ZNF766: variants seen among roughly 807,000 people sequenced by gnomAD.
ZNF766 encodes zinc finger protein 766.
In ZNF766, 13 loss-of-function variants were observed where a neutral mutation model predicts 13.2. The observed-to-expected ratio is 0.98, with a 90% CI of 0.64 to 1.56. ZNF766 has a LOEUF of 1.56. Ranked by LOEUF, ZNF766 falls within the 40% of genes most tolerant of loss-of-function variation. The pLI, the probability that ZNF766 is intolerant of heterozygous loss-of-function variation, is 0.00. For synonymous variants in ZNF766, 178 were observed against 187.6 expected (o/e 0.95, Z 0.42); for missense variants, 521 against 552.2 (o/e 0.94, Z 0.57).
chr19:52,283,064 G>C (rs550076790), intron 2 of ZNF766, among the ~76,000 whole-genome samples: 79 of 152,276 alleles, frequency 5.2e-4, no homozygotes, highest in Middle Eastern at 6.8e-3. Context: ...TCGCCGCACT[G>C]TCTTCCACAT....
At chr19:52,277,688 T>A in intron 1 of ZNF766, 1 of 921,706 alleles carries the variant, frequency 1.1e-6, no homozygotes, top group Non-Finnish European at 1.7e-6. Flanking sequence ...GTCCCTCTCA[T>A]CTCGCTTAGA....
chr19:52,291,143 G>C lies in ZNF766; in HGVS notation c.1352G>C (p.Ser451Thr). 1 of 1,611,474 alleles carries C rather than the reference G, an allele frequency of 6.2e-7. No individual in the cohort carries two copies. Among genetic ancestry groups the C allele is most frequent in the Non-Finnish European group, 8.5e-7 (1 of 1,178,508 alleles). ...CHVCGKVFRH[S>T]SWFVQHQRSV... Reference sequence around the variant, plus strand: ...GTGTGTGGTAAGGTCTTTAGGCACAGTTCATGGTTTGTACAGCATCAGAGA... The same window carrying C: ...GTGTGTGGTAAGGTCTTTAGGCACACTTCATGGTTTGTACAGCATCAGAGA... Residue 451 changes from serine to threonine, a missense_variant, in exon 4 of 4, where the codon AGT (serine) becomes ACT (threonine). Ser to Thr is a moderately conservative substitution (Grantham distance 58). Coordinates refer to ENST00000439461, the MANE Select transcript of ZNF766 (RefSeq NM_001010851.3).
intron 1 of ZNF766, among the ~76,000 whole-genome samples, chr19:52,273,815 T>C (rs574208838): frequency 6.6e-6 from 1 of 152,258 alleles, no homozygotes; most frequent in South Asian, 2.1e-4. Context: ...AAGGTGGGGG[T>C]GTGCTGGGCT....
rs1245386526 is a variant in ZNF766, at chr19:52,293,085, G to T, written c.*1887G>T. ...GGGGTGTTTGGTCTTCTGTCACTGTGATAGTTTGCTGAGAATGATGGTTTC... is the reference window on the plus strand; with the variant it reads ...GGGGTGTTTGGTCTTCTGTCACTGTTATAGTTTGCTGAGAATGATGGTTTC... On this transcript the variant is annotated 3_prime_UTR_variant, in exon 4 of 4. Transcript: ENST00000439461. 6.6e-6 allele frequency: 1 copy of T among 151,672 alleles called. No individual in the cohort carries two copies. Among genetic ancestry groups the T allele is most frequent in the Admixed American group, 6.6e-5 (1 of 15,192 alleles). The allele number at this position is 151,672 out of a possible 1,614,324, so 9.4% of individuals were successfully genotyped here.
intron 1 of ZNF766, among the ~76,000 whole-genome samples, chr19:52,278,531 G>A (rs1981328534): frequency 6.6e-6 from 1 of 152,054 alleles, no homozygotes; most frequent in African/African-American, 2.4e-5. Context: ...AGCCTCCCGA[G>A]TAGCTGGGAC....
At chr19:52,273,433 C>T (rs772264660) in intron 1 of ZNF766, among the ~76,000 whole-genome samples, 14 of 152,166 alleles carry the variant, frequency 9.2e-5, no homozygotes, top group East Asian at 1.9e-4. Context: ...CCTGTGTGAT[C>T]TGCATCCCAG....
intron 3 of ZNF766, among the ~76,000 whole-genome samples, chr19:52,285,329 G>A (rs561849842): frequency 1.3e-5 from 2 of 152,296 alleles, no homozygotes; most frequent in Admixed American, 6.5e-5. Context: ...TCTGGAGATA[G>A]GGCCAGGTCC....
chr19:52,273,499 A>G (rs568512759), intron 1 of ZNF766, among the ~76,000 whole-genome samples: 2 of 152,148 alleles, frequency 1.3e-5, no homozygotes, highest in East Asian at 3.9e-4. Flanking sequence ...TGCCGCAGCC[A>G]CACAGACCTC....
chr19:52,286,145 T>TAAAA (rs975698382), intron 3 of ZNF766, among the ~76,000 whole-genome samples: 2 of 132,950 alleles, frequency 1.5e-5, no homozygotes, highest in African/African-American at 3.1e-5. Flanking sequence ...AGAGCTCAAT[T>TAAAA]AAAAAAAAAA....
rs752370578 is a variant in ZNF766, at chr19:52,290,670, T to C, written c.879T>C (p.His293=). 12 of 1,613,490 alleles carry C rather than the reference T, an allele frequency of 7.4e-6. No homozygotes were observed. The highest frequency in any genetic ancestry group is 1.0e-5 in the Non-Finnish European group (12 of 1,179,754). Reference sequence around the variant, plus strand: ...ACCTTGTACGACATCAGAAAATTCATACTAGAGAGAAACCTCATAAATGTA... The same window carrying C: ...ACCTTGTACGACATCAGAAAATTCACACTAGAGAGAAACCTCATAAATGTA... The part of the protein sequence containing the change: ...ITYLVRHQKI[H]TREKPHKCNK... Residue 293 remains histidine, a synonymous_variant, in exon 4 of 4, where the codon CAT becomes CAC. Coordinates refer to ENST00000439461, the MANE Select transcript of ZNF766 (RefSeq NM_001010851.3).
intron 1 of ZNF766, among the ~76,000 whole-genome samples, chr19:52,280,232 C>A (rs1369402678): frequency 6.6e-6 from 1 of 152,046 alleles, no homozygotes; most frequent in Non-Finnish European, 1.5e-5. Context: ...GCAGTATGTG[C>A]ACCGTTAGCC....
Position 52,290,657 on chromosome 19 carries a change from A to G in ZNF766, c.866A>G (p.His289Arg), listed in dbSNP as rs1982090517. ...VFSRITYLVRHQKIHTREKPH... is the reference protein window; with the variant it reads ...VFSRITYLVRRQKIHTREKPH... ...AGTCGAATTACATACCTTGTACGAC[A>G]TCAGAAAATTCATACTAGAGAGAAA... Residue 289 changes from histidine to arginine, a missense_variant, in exon 4 of 4, where the codon CAT (histidine) becomes CGT (arginine). By Grantham distance (29) the His-to-Arg change is conservative. Transcript: ENST00000439461. The G allele has an allele frequency of 1.2e-6, 2 of 1,613,694 alleles. No individual in the cohort carries two copies. Among genetic ancestry groups the G allele is most frequent in the South Asian group, 1.1e-5 (1 of 91,052 alleles).
intron 3 of ZNF766, among the ~76,000 whole-genome samples, chr19:52,286,345 G>A (rs78507378): frequency 0.014 from 2,083 of 149,138 alleles, 54 homozygotes; most frequent in African/African-American, 0.049. Context: ...TTCTTTTGGG[G>A]GAGTGTCTCA....
Position 52,290,199 on chromosome 19 carries a change from T to G in ZNF766, c.408T>G (p.Val136=), listed in dbSNP as rs747026784. 12 of 1,614,040 alleles carry G rather than the reference T, an allele frequency of 7.4e-6. No homozygotes were observed. In the South Asian group the frequency reaches 1.2e-4, roughly 16 times the overall value. Residue 136 remains valine (V), a synonymous_variant, in exon 4 of 4, where the codon GTT becomes GTG. Transcript: ENST00000439461. ...GEGKIYECNQ[V]QKFISHSSSV... is the part of the protein sequence containing the mutation. ...GGAAGATTTATGAATGTAATCAAGT[T>G]CAAAAGTTCATCAGCCACAGTTCTT...
At chr19:52,273,125 C>A (rs1345293696) in intron 1 of ZNF766, among the ~76,000 whole-genome samples, 1 of 152,104 alleles carries the variant, frequency 6.6e-6, no homozygotes, top group Admixed American at 6.6e-5. Flanking sequence ...TCTCCTGTCT[C>A]AGCCTCCCAA....
chr19:52,289,788 C>T (rs1191933552), intron 3 of ZNF766, among the ~76,000 whole-genome samples: 2 of 152,100 alleles, frequency 1.3e-5, no homozygotes, highest in African/African-American at 4.8e-5. Context: ...ATCACGAGGT[C>T]AGGAGATCGA....
intron 1 of ZNF766, among the ~76,000 whole-genome samples, chr19:52,274,127 GTT>G (rs1981090424): frequency 6.6e-6 from 1 of 152,184 alleles, no homozygotes; most frequent in Non-Finnish European, 1.5e-5. Context: ...GTCCCACTCT[GTT>G]TTGTCCAGGA....
intron 1 of ZNF766, among the ~76,000 whole-genome samples, chr19:52,271,513 G>A (rs1022309678): frequency 3.3e-5 from 5 of 152,154 alleles, no homozygotes; most frequent in African/African-American, 1.2e-4. Context: ...CCCTCCCCCT[G>A]GCTGTTGCTG....
At position 52,283,370 on chromosome 19, in the gene ZNF766, A is replaced by C; in HGVS notation, c.231A>C (p.Ala77=). ...CTGTGGAGAATGAAATGAAAGTAGC[A>C]AAAAATCCAGATAGGTGGGAAGGTA... ...PWTVENEMKV[A]KNPDRWEGIK... Residue 77 remains alanine, a synonymous_variant, in exon 3 of 4, where the codon GCA becomes GCC. Transcript: ENST00000439461. 2 of 1,611,930 alleles carry C rather than the reference A, an allele frequency of 1.2e-6. No homozygotes were observed. The highest frequency in any genetic ancestry group is 2.2e-5 in the East Asian group (1 of 44,860).
Sources: allele counts gnomAD v4.1 joint callset (sites outside exome capture counted in the v4.1 genomes callset), GRCh38; gene constraint gnomAD v4.1.1; transcripts MANE v1.5; gene names NCBI Gene and HGNC (gene_info 2026-07-23, HGNC 2026-07-21).